Variants in SPRY3 observed in about 807,000 individuals in gnomAD.
The protein encoded by SPRY3 is sprouty RTK signaling antagonist 3.
A neutral mutation model predicts 20.2 loss-of-function variants in SPRY3; 15 were observed. The ratio of observed to expected loss-of-function variants is 0.74; its 90% CI spans 0.50 to 1.14. The LOEUF is 1.14. Ranked by LOEUF, SPRY3 falls within the 50% of genes most tolerant of loss-of-function variation. The pLI, the probability that SPRY3 is intolerant of heterozygous loss-of-function variation, is 0.00. For missense variants in SPRY3, 364 were observed against 363.9 expected (o/e 1.00, Z 0.00); for synonymous variants, 143 against 136.5 (o/e 1.05, Z -0.33).
intron 2 of SPRY3, among the ~76,000 whole-genome samples, chrX:155,745,693 G>C (rs1032157853): frequency 6.6e-6 from 1 of 152,036 alleles, no homozygotes; most frequent in Non-Finnish European, 1.5e-5. Context: ...GCACATAAAA[G>C]TATTTACCTC....
chrX:155,767,067 C>T (rs1449051975), intron 2 of SPRY3, among the ~76,000 whole-genome samples: 1 of 152,040 alleles, frequency 6.6e-6, no homozygotes, highest in Non-Finnish European at 1.5e-5. Flanking sequence ...CTCTCCACCC[C>T]ACCCCCACGT....
chrX:155,712,581 T>C (rs2090994501), intron 2 of SPRY3, among the ~76,000 whole-genome samples: 1 of 152,034 alleles, frequency 6.6e-6, no homozygotes, highest in South Asian at 2.1e-4. Context: ...TCTTTATAGG[T>C]GAAGTGTGTT....
intron 3 of SPRY3, among the ~76,000 whole-genome samples, chrX:155,772,160 G>A (rs2091385026): frequency 6.6e-6 from 1 of 152,146 alleles, no homozygotes; most frequent in Non-Finnish European, 1.5e-5. Context: ...TTGTCAGACT[G>A]GTTCTTTGAT....
chrX:155,749,647 G>A (rs2091249806), intron 2 of SPRY3, among the ~76,000 whole-genome samples: 1 of 151,808 alleles, frequency 6.6e-6, no homozygotes, highest in Admixed American at 6.6e-5. Flanking sequence ...AGAAATTGAG[G>A]TGAGGGCAAT....
At chrX:155,729,842 C>A (rs1017303865) in intron 2 of SPRY3, among the ~76,000 whole-genome samples, 2 of 151,650 alleles carry the variant, frequency 1.3e-5, no homozygotes, top group African/African-American at 2.4e-5. Flanking sequence ...ATAGACGATG[C>A]AAATAAGTAA....
intron 2 of SPRY3, among the ~76,000 whole-genome samples, chrX:155,660,445 G>A (rs1244563642): frequency 8.9e-6 from 1 of 111,853 alleles, no homozygotes; most frequent in African/African-American, 3.2e-5. Context: ...CCTAGCATAT[G>A]GTCTATTTGG....
intron 1 of SPRY3, among the ~76,000 whole-genome samples, chrX:155,649,540 G>A (rs1456473454): frequency 9.9e-5 from 11 of 111,468 alleles, no homozygotes; most frequent in Non-Finnish European, 1.7e-4. Context: ...CTCAATAGAT[G>A]CAGAAAAAGC....
intron 2 of SPRY3, among the ~76,000 whole-genome samples, chrX:155,685,893 G>T (rs188536910): frequency 7.2e-5 from 8 of 110,847 alleles, no homozygotes; most frequent in Admixed American, 4.8e-4. Context: ...TTAGCCTCCC[G>T]AGTAGCTGGG....
chrX:155,705,128 ATTG>A (rs1410724312), intron 2 of SPRY3, among the ~76,000 whole-genome samples: 2 of 151,442 alleles, frequency 1.3e-5, no homozygotes, highest in African/African-American at 4.8e-5. Flanking sequence ...TCTTATTTGT[ATTG>A]TTCTAAATGA....
At chrX:155,767,670 G>GA (rs2091342893) in intron 2 of SPRY3, 4 of 147,470 alleles carry the variant, frequency 2.7e-5, no homozygotes, top group African/African-American at 7.7e-5. Context: ...AGGAGGAGAA[G>GA]GGGGAGGAGA....
At chrX:155,656,987 G>A (rs1367067926) in exon 2 of SPRY3, among the ~76,000 whole-genome samples, 2 of 111,229 alleles carry the variant, frequency 1.8e-5, no homozygotes, top group African/African-American at 6.5e-5. Context: ...GTCCCAGAGG[G>A]TCACCGACCT....
At chrX:155,618,161 C>G (rs2067860238) in intron 1 of SPRY3, among the ~76,000 whole-genome samples, 1 of 112,029 alleles carries the variant, frequency 8.9e-6, no homozygotes, top group South Asian at 3.7e-4. Flanking sequence ...CATGCTGCCC[C>G]TTTATAGCCA....
intron 2 of SPRY3, among the ~76,000 whole-genome samples, chrX:155,745,027 T>C (rs1223611653): frequency 2.0e-5 from 3 of 152,062 alleles, no homozygotes; most frequent in South Asian, 2.1e-4. Flanking sequence ...CTAAGGAACA[T>C]AGAAGCATCT....
chrX:155,754,473 A>G (rs1431772783), intron 2 of SPRY3, among the ~76,000 whole-genome samples: 1 of 152,054 alleles, frequency 6.6e-6, no homozygotes, highest in Non-Finnish European at 1.5e-5. Context: ...TTCCAGTACT[A>G]TACCATCTTG....
chrX:155,741,542 C>T (rs2091204518), intron 2 of SPRY3, among the ~76,000 whole-genome samples: 1 of 152,004 alleles, frequency 6.6e-6, no homozygotes, highest in African/African-American at 2.4e-5. Context: ...AACCCCAAGA[C>T]ACATAATCAT....
chrX:155,659,301 C>T (rs190063455), intron 2 of SPRY3, among the ~76,000 whole-genome samples: 1 of 109,885 alleles, frequency 9.1e-6, no homozygotes, highest in African/African-American at 3.3e-5. Context: ...TCTGCCACCA[C>T]GCCTGGCTAA....
chrX:155,668,709 T>C (rs1157380363), intron 2 of SPRY3, among the ~76,000 whole-genome samples: 2 of 110,614 alleles, frequency 1.8e-5, no homozygotes, highest in African/African-American at 6.5e-5. Context: ...TTCCTCTCCT[T>C]GGGGCCCATA....
At chrX:155,633,785 T>C (rs192383629) in intron 1 of SPRY3, among the ~76,000 whole-genome samples, 2 of 112,021 alleles carry the variant, frequency 1.8e-5, no homozygotes, top group African/African-American at 6.5e-5. Flanking sequence ...ATTCAGACAG[T>C]GGCAGAATCT....
chrX:155,725,617 A>G (rs2091092055), intron 2 of SPRY3, among the ~76,000 whole-genome samples: 1 of 152,104 alleles, frequency 6.6e-6, no homozygotes, highest in Non-Finnish European at 1.5e-5. Context: ...AGAGGTGTTT[A>G]TAGTATTCTC....
Sources: gnomAD v4.1 joint callset for allele counts (sites outside exome capture counted in the v4.1 genomes callset) on GRCh38, gnomAD v4.1.1 for gene constraint, MANE v1.5 for transcripts, NCBI Gene and HGNC (gene_info 2026-07-23, HGNC 2026-07-21) for gene names.